Variants in VRK2 observed in about 807,000 individuals in gnomAD.
VRK2 encodes VRK serine/threonine kinase 2.
A neutral mutation model predicts 57.6 loss-of-function variants in VRK2; 60 were observed. The ratio of observed to expected loss-of-function variants is 1.04; its 90% CI spans 0.85 to 1.29. The LOEUF is 1.29. VRK2 is among the 50% of genes most tolerant of loss of function. The probability of loss-of-function intolerance (pLI) is 0.00; values close to 1 mark genes in which losing one functional copy is unlikely to be tolerated. For synonymous variants in VRK2, 231 were observed against 199.2 expected (o/e 1.16, Z -1.35); for missense variants, 705 against 588.1 (o/e 1.20, Z -2.06).
intron 1 of VRK2, among the ~76,000 whole-genome samples, chr2:57,934,723 T>C (rs896697115): frequency 3.9e-5 from 6 of 152,218 alleles, no homozygotes; most frequent in Non-Finnish European, 8.8e-5. Flanking sequence ...CCTTTGATGG[T>C]GTCCCATACC....
chr2:58,155,511 G>C (rs529385910), intron 12 of VRK2, among the ~76,000 whole-genome samples: 2 of 152,100 alleles, frequency 1.3e-5, no homozygotes, highest in South Asian at 4.1e-4. Flanking sequence ...GGAAGGAAGG[G>C]GGACCACCTC....
chr2:58,156,754 T>G (rs1683942073), intron 12 of VRK2, among the ~76,000 whole-genome samples: 1 of 152,210 alleles, frequency 6.6e-6, no homozygotes, highest in African/African-American at 2.4e-5. Flanking sequence ...ATCTGTTCAT[T>G]AATTATGTTC....
intron 2 of VRK2, among the ~76,000 whole-genome samples, chr2:58,071,558 A>G (rs181484938): frequency 5.3e-5 from 8 of 152,176 alleles, no homozygotes; most frequent in Admixed American, 3.3e-4. Context: ...CACTTCGTCT[A>G]TTGAATTGCC....
chr2:58,080,643 T>G (rs1470767337), intron 2 of VRK2, among the ~76,000 whole-genome samples: 9 of 151,888 alleles, frequency 5.9e-5, no homozygotes, highest in Non-Finnish European at 1.2e-4. Flanking sequence ...TCCTGAGATT[T>G]ATTTGGTTTT....
At chr2:57,952,534 T>A (rs997695433) in intron 1 of VRK2, among the ~76,000 whole-genome samples, 1 of 152,172 alleles carries the variant, frequency 6.6e-6, no homozygotes, top group Non-Finnish European at 1.5e-5. Flanking sequence ...TAACAAATAC[T>A]CTGTGCCAGG....
chr2:57,946,757 C>T (rs1211526061), intron 1 of VRK2, among the ~76,000 whole-genome samples: 1 of 152,072 alleles, frequency 6.6e-6, no homozygotes, highest in African/African-American at 2.4e-5. Context: ...ACTTTCTGTT[C>T]AACCAAATTT....
Position 58,097,645 on chromosome 2 carries a change from A to G in VRK2, c.543+7922A>G, listed in dbSNP as rs372833670. ...TACAACAGTGGTCCTGTAAGATTAT[A>G]TTGGAGCTGGAAAGTTTCTATTGCC... On this transcript the variant is annotated intron_variant, in intron 7 of 12. Transcript: ENST00000340157. 3.2e-4 allele frequency among the ~76,000 whole-genome samples: 49 copies of G among 152,272 alleles called. No individual in the cohort carries two copies. The South Asian group carries it at 9.5e-3, about 30-fold the overall frequency.
At chr2:57,966,943 T>A (rs1671936858) in intron 1 of VRK2, among the ~76,000 whole-genome samples, 1 of 152,236 alleles carries the variant, frequency 6.6e-6, no homozygotes, top group South Asian at 2.1e-4. Flanking sequence ...GAGAGAAGGA[T>A]CAGCATGTGA....
upstream of VRK2, among the ~76,000 whole-genome samples, chr2:58,046,190 C>T (rs903061518): frequency 1.3e-5 from 2 of 152,168 alleles, no homozygotes; most frequent in Non-Finnish European, 2.9e-5. Context: ...AAAGTCCTCA[C>T]CTTATTGTCA....
chr2:58,150,541 A>C (rs1573416234), intron 12 of VRK2, among the ~76,000 whole-genome samples: 1 of 138,334 alleles, frequency 7.2e-6, no homozygotes, highest in Non-Finnish European at 1.5e-5. Flanking sequence ...CTCAAAGACC[A>C]GCTTTGGTTT....
intron 1 of VRK2, among the ~76,000 whole-genome samples, chr2:57,928,063 A>T (rs1445660576): frequency 6.6e-6 from 1 of 151,928 alleles, no homozygotes; most frequent in Non-Finnish European, 1.5e-5. Context: ...TTGACTTTTG[A>T]TGTCTTTCTC....
In VRK2 at chr2:58,146,475, G is replaced by C; in HGVS notation, c.1182+1G>C. The C allele has an allele frequency of 1.2e-6, 2 of 1,606,426 alleles. No individual in the cohort carries two copies. The highest frequency in any genetic ancestry group is 1.1e-5 in the South Asian group (1 of 89,850). On this transcript the variant is annotated splice_donor_variant, in intron 12 of 12. Coordinates refer to ENST00000340157, the MANE Select transcript of VRK2 (RefSeq NM_006296.7). LOFTEE classifies it high-confidence loss of function. ...ATTGATGAACAATGAAGCAGCTCAG[G>C]TGAGAGGGTTGTTTGTGTGTGTTTT...
chr2:57,959,629 G>A (rs1039656979), intron 1 of VRK2, among the ~76,000 whole-genome samples: 3 of 152,146 alleles, frequency 2.0e-5, no homozygotes, highest in East Asian at 1.9e-4. Flanking sequence ...GTCGACAGCA[G>A]GTTTCAGAAA....
chr2:58,147,226 C>T (rs772370873), intron 12 of VRK2: 15 of 516,188 alleles, frequency 2.9e-5, no homozygotes, highest in East Asian at 5.5e-5. Context: ...TCTTGACAGC[C>T]GAGGCAAAAA....
intron 12 of VRK2, 124 bp downstream of exon 12, chr2:58,146,598 G>C: frequency 1.8e-6 from 2 of 1,142,564 alleles, no homozygotes; most frequent in Non-Finnish European, 2.4e-6. Context: ...AAATGAGAAG[G>C]GACAGAAAAT....
At chr2:58,051,103 C>T (rs907460388) in intron 2 of VRK2, among the ~76,000 whole-genome samples, 1 of 152,192 alleles carries the variant, frequency 6.6e-6, no homozygotes, top group African/African-American at 2.4e-5. Context: ...CCTCGGCCTC[C>T]CGAAGTGTTG....
At chr2:58,041,107 T>G in intron 3 of VRK2, 1 of 979,272 alleles carries the variant, frequency 1.0e-6, no homozygotes, top group Non-Finnish European at 1.2e-6. Context: ...AATATAGTCT[T>G]ATAGTTAACC....
At chr2:57,939,333 T>C (rs2717031) in intron 1 of VRK2, among the ~76,000 whole-genome samples, 96,879 of 152,012 alleles carry the variant, frequency 0.64, 31,038 homozygotes, top group African/African-American at 0.72. Flanking sequence ...GTATTGATCC[T>C]GCTCAAAATC....
intron 2 of VRK2, among the ~76,000 whole-genome samples, chr2:58,049,234 CT>C (rs891864435): frequency 2.6e-5 from 4 of 151,208 alleles, no homozygotes; most frequent in Non-Finnish European, 5.9e-5. Context: ...TGCTAACTTT[CT>C]TTTTTTTTGA....
Sources: allele counts gnomAD v4.1 joint callset (sites outside exome capture counted in the v4.1 genomes callset), GRCh38; gene constraint gnomAD v4.1.1; transcripts MANE v1.5; gene names NCBI Gene and HGNC (gene_info 2026-07-23, HGNC 2026-07-21).